Variants in OGFRL1 observed in about 807,000 individuals in gnomAD.
The protein encoded by OGFRL1 is opioid growth factor receptor like 1.
Under a neutral mutation model 32.4 loss-of-function variants are expected in OGFRL1, and 26 were observed. The observed-to-expected ratio is 0.80, with a 90% CI of 0.59 to 1.11. The LOEUF is 1.11. Among genes scored for constraint, OGFRL1 ranks in the 50% most tolerant of loss-of-function variants. OGFRL1 has a pLI of 0.00. For missense variants in OGFRL1, 521 were observed against 546.4 expected, an observed-to-expected ratio of 0.95 and a Z score of 0.46; for synonymous variants, 211 against 201.2, an observed-to-expected ratio of 1.05 and a Z score of -0.41.
rs992005143 is a variant in OGFRL1 at position 71,305,589 on chromosome 6, G to A, written c.*3540G>A. 33 of 152,134 alleles carry A rather than the reference G, an allele frequency of 2.2e-4. No individual in the cohort carries two copies. The highest frequency in any genetic ancestry group is 2.8e-4 in the Non-Finnish European group (19 of 67,920). The allele number at this position is 152,134 out of a possible 1,614,324, so 9.4% of individuals were successfully genotyped here. ...CTACAACTCAGGAGTTACTAGAGAA[G>A]TTCTAAGTATTTTTTTGCTAAGTAG... On this transcript the variant is annotated 3_prime_UTR_variant, in exon 7 of 7. Transcript: ENST00000370435.
Position 71,302,407 on chromosome 6 carries a change from AATCAAGAGGATAATTTCATTGGATT to A in OGFRL1, c.*359_*383del, listed in dbSNP as rs1766426450. On this transcript the variant is annotated 3_prime_UTR_variant, in exon 7 of 7. Coordinates refer to ENST00000370435, the MANE Select transcript of OGFRL1 (RefSeq NM_024576.5). Reference sequence around the variant, plus strand: ...GAGACATTATAGTCTACATGAAGGAAATCAAGAGGATAATTTCATTGGATTGCTACACTTTTACCTGATTTATGGC... The same window carrying A: ...GAGACATTATAGTCTACATGAAGGAAGCTACACTTTTACCTGATTTATGGC... The A allele has an allele frequency of 6.3e-6, 1 of 159,168 alleles. No individual in the cohort carries two copies. Among genetic ancestry groups the A allele is most frequent in the Admixed American group, 6.4e-5 (1 of 15,528 alleles). The allele number at this position is 159,168 out of a possible 1,614,324, so 9.9% of individuals were successfully genotyped here. A position where few individuals can be genotyped will look rare whatever the true frequency, so the allele number is the denominator to read the frequency against.
At position 71,288,956 on chromosome 6, in the gene OGFRL1, G is replaced by A. The variant is rs1765946472; in HGVS notation, c.20G>A (p.Gly7Glu). 4 of 1,383,524 alleles carry A rather than the reference G, an allele frequency of 2.9e-6. No homozygotes were observed. Among genetic ancestry groups the A allele is most frequent in the Non-Finnish European group, 3.8e-6 (4 of 1,053,206 alleles). 85.7% of individuals were successfully genotyped at this position (1,383,524 alleles called of 1,614,324 possible). A position where few individuals can be genotyped will look rare whatever the true frequency, so the allele number is the denominator to read the frequency against. ...TCTTCAATGGGCAACCTGCTCGGCG[G>A]GGTCAGCTTCCGCGAGCCCACCACC... The part of the protein sequence containing the change: MGNLLG[G>E]VSFREPTTVE... Residue 7 changes from glycine (G) to glutamate (E), a missense_variant, in exon 1 of 7, where the codon GGG becomes GAG. Gly to Glu is a moderately conservative substitution (Grantham distance 98). Coordinates refer to ENST00000370435, the MANE Select transcript of OGFRL1 (RefSeq NM_024576.5).
At chr6:71,289,548 TAAAAAAA>T (rs1158690810) in intron 1 of OGFRL1, 938 of 541,316 alleles carry the variant, frequency 1.7e-3, no homozygotes, top group Middle Eastern at 3.2e-3. Context: ...GTGTTATTGG[TAAAAAAA>T]AAAAAAAAAA....
At chr6:71,294,591 T>G (rs1014351685) in intron 3 of OGFRL1, among the ~76,000 whole-genome samples, 10 of 151,980 alleles carry the variant, frequency 6.6e-5, no homozygotes, top group African/African-American at 2.4e-4. Flanking sequence ...CAGTTGGGAG[T>G]TAATATTTGA....
At chr6:71,290,523 T>C (rs1374464434) in intron 1 of OGFRL1, among the ~76,000 whole-genome samples, 1 of 152,230 alleles carries the variant, frequency 6.6e-6, no homozygotes, top group Admixed American at 6.5e-5. Context: ...ATTTTAATAA[T>C]GTTCAGTCAG....
rs1336177890 is a variant in OGFRL1 at position 71,294,533 on chromosome 6, T to C, written c.400+922T>C. Reference sequence around the variant, plus strand: ...CGAGGCAAGAGGTCTAAAGCCTGGATTGAGTTTGGGAGGAGGGAGTCCCAG... The same window carrying C: ...CGAGGCAAGAGGTCTAAAGCCTGGACTGAGTTTGGGAGGAGGGAGTCCCAG... On this transcript the variant is annotated intron_variant, in intron 3 of 6. Coordinates refer to ENST00000370435, the MANE Select transcript of OGFRL1 (RefSeq NM_024576.5). 7.9e-5 allele frequency among the ~76,000 whole-genome samples: 12 copies of C among 152,236 alleles called. No individual in the cohort carries two copies. In the East Asian group the frequency reaches 2.3e-3, roughly 29 times the overall value.
At chr6:71,300,070 T>C (rs1766335238) in intron 6 of OGFRL1, among the ~76,000 whole-genome samples, 1 of 152,202 alleles carries the variant, frequency 6.6e-6, no homozygotes, top group Admixed American at 6.5e-5. Flanking sequence ...CCCAAGTAAT[T>C]TGCTAATTAT....
At chr6:71,291,889 A>T (rs1007960366) in intron 1 of OGFRL1, 2 of 152,212 alleles carry the variant, frequency 1.3e-5, no homozygotes, top group Non-Finnish European at 2.9e-5. Context: ...AGATTGATTC[A>T]GACCTGGACT....
intron 6 of OGFRL1, among the ~76,000 whole-genome samples, chr6:71,300,773 G>C (rs1047702964): frequency 6.6e-6 from 1 of 152,188 alleles, no homozygotes; most frequent in African/African-American, 2.4e-5. Flanking sequence ...TACAGAGCCA[G>C]GGTGTGAACT....
In OGFRL1 at chr6:71,303,479, C is replaced by G. The variant is rs985216834; in HGVS notation, c.*1430C>G. ...AAAAGTTCAAGACAAGAATTTTGCTCTCTATGGCTGTTCCATATAAATTTG... is the reference window on the plus strand; with the variant it reads ...AAAAGTTCAAGACAAGAATTTTGCTGTCTATGGCTGTTCCATATAAATTTG... On this transcript the variant is annotated 3_prime_UTR_variant, in exon 7 of 7. Coordinates refer to ENST00000370435, the MANE Select transcript of OGFRL1 (RefSeq NM_024576.5). The G allele has an allele frequency of 6.6e-6, 1 of 152,178 alleles. No individual in the cohort carries two copies. The highest frequency in any genetic ancestry group is 6.5e-5 in the Admixed American group (1 of 15,282). 9.4% of individuals were successfully genotyped at this position (152,178 alleles called of 1,614,324 possible).
rs1766599197 is a variant in OGFRL1 at position 71,307,762 on chromosome 6, A to G, written c.*5713A>G. 6.6e-6 allele frequency: 1 copy of G among 152,210 alleles called. No homozygotes were observed. Among genetic ancestry groups the G allele is most frequent in the Non-Finnish European group, 1.5e-5 (1 of 68,038 alleles). The allele number at this position is 152,210 out of a possible 1,614,324, so 9.4% of individuals were successfully genotyped here. Reference sequence around the variant, plus strand: ...GTACTAAGAAACATTTACATTCTACACTCATTAGTCAAATGAACTTTTCTT... The same window carrying G: ...GTACTAAGAAACATTTACATTCTACGCTCATTAGTCAAATGAACTTTTCTT... On this transcript the variant is annotated 3_prime_UTR_variant, in exon 7 of 7. Coordinates refer to ENST00000370435, the MANE Select transcript of OGFRL1 (RefSeq NM_024576.5).
chr6:71,289,530 T>C (rs1200335385), intron 1 of OGFRL1: 2 of 380,024 alleles, frequency 5.3e-6, no homozygotes, highest in Admixed American at 2.3e-4. Context: ...TGACAACCCC[T>C]CTAGTGTGTG....
At position 71,289,788 on chromosome 6, in the gene OGFRL1, T is replaced by C. The variant is rs889324962; in HGVS notation, c.234+618T>C. 21 of 985,296 alleles carry C rather than the reference T, an allele frequency of 2.1e-5. No homozygotes were observed. In the African/African-American group the frequency reaches 3.7e-4, roughly 17 times the overall value. The allele number at this position is 985,296 out of a possible 1,614,324, so 61.0% of individuals were successfully genotyped here. A position where few individuals can be genotyped will look rare whatever the true frequency, so the allele number is the denominator to read the frequency against. On this transcript the variant is annotated intron_variant, in intron 1 of 6. Transcript: ENST00000370435. ...TTGATCCAACTGTGTTTGAACTGTT[T>C]GACTAATACAGCTTGGAGGAGAGGT...
Position 71,307,696 on chromosome 6 carries a change from A to T in OGFRL1, c.*5647A>T, listed in dbSNP as rs549847271. ...TTTTTAAATTATACTTTGTGTAACA[A>T]TTTACGTTAACTAGAAAAATTAGAT... On this transcript the variant is annotated 3_prime_UTR_variant, in exon 7 of 7. Transcript: ENST00000370435. 1.3e-5 allele frequency: 2 copies of T among 152,292 alleles called. No individual in the cohort carries two copies. The highest frequency in any genetic ancestry group is 4.1e-4 in the South Asian group (2 of 4,824). The allele number at this position is 152,292 out of a possible 1,614,324, so 9.4% of individuals were successfully genotyped here.
At chr6:71,299,374 A>G (rs765491398) in intron 6 of OGFRL1, among the ~76,000 whole-genome samples, 1 of 152,094 alleles carries the variant, frequency 6.6e-6, no homozygotes, top group Non-Finnish European at 1.5e-5. Context: ...TGAAACACCC[A>G]ATTGCTTTAT....
rs1766391268 is a variant in OGFRL1, at chr6:71,301,601, A to G, written c.908A>G (p.His303Arg). 9 of 1,614,192 alleles carry G rather than the reference A, an allele frequency of 5.6e-6. No homozygotes were observed. The East Asian group carries it at 2.0e-4, about 36-fold the overall frequency. The change falls in exon 7 of 7, where the codon CAC becomes CGC. Residue 303 changes from histidine (H) to arginine (R), a missense_variant. Coordinates refer to ENST00000370435, the MANE Select transcript of OGFRL1 (RefSeq NM_024576.5). ...RRKLLRFAQK[H>R]YTPSENFIWG... ...AAGCTCCTGCGGTTCGCCCAGAAAC[A>G]CTACACGCCTTCAGAGAACTTTATC... is the stretch of plus-strand genomic sequence containing the variant.
rs1311574434 is a variant in OGFRL1 at position 71,307,956 on chromosome 6, C to T, written c.*5907C>T. 6.6e-6 allele frequency: 1 copy of T among 152,170 alleles called. No individual in the cohort carries two copies. The highest frequency in any genetic ancestry group is 2.4e-5 in the African/African-American group (1 of 41,432). 9.4% of individuals were successfully genotyped at this position (152,170 alleles called of 1,614,324 possible). A position where few individuals can be genotyped will look rare whatever the true frequency, so the allele number is the denominator to read the frequency against. On this transcript the variant is annotated 3_prime_UTR_variant, in exon 7 of 7. Coordinates refer to ENST00000370435, the MANE Select transcript of OGFRL1 (RefSeq NM_024576.5). ...GCAGGTGACGAATGATTAAGAAAAG[C>T]TTTATTGTGGGGACATGCTTTAAGA...
rs1472589919 is a variant in OGFRL1 at position 71,302,713 on chromosome 6, A to AC, written c.*667dup. The AC allele has an allele frequency of 6.6e-6, 1 of 151,076 alleles. No homozygotes were observed. The highest frequency in any genetic ancestry group is 6.6e-5 in the Admixed American group (1 of 15,172). 9.4% of individuals were successfully genotyped at this position (151,076 alleles called of 1,614,324 possible). A position where few individuals can be genotyped will look rare whatever the true frequency, so the allele number is the denominator to read the frequency against. ...TCTCAAACTCCTGACCTCATGATCC[A>AC]CCCGCCTCGGCCTCCCAAAGTGCTG... On this transcript the variant is annotated 3_prime_UTR_variant, in exon 7 of 7. Transcript: ENST00000370435.
rs1427432519 is a variant in OGFRL1 at position 71,289,124 on chromosome 6, C to T, written c.188C>T (p.Ala63Val). The T allele has an allele frequency of 1.4e-5, 15 of 1,107,784 alleles. No homozygotes were observed. The highest frequency in any genetic ancestry group is 4.3e-5 in the South Asian group (1 of 23,400). 68.6% of individuals were successfully genotyped at this position (1,107,784 alleles called of 1,614,324 possible). A position where few individuals can be genotyped will look rare whatever the true frequency, so the allele number is the denominator to read the frequency against. The change falls in exon 1 of 7, where the codon GCC (alanine) becomes GTC (valine). Residue 63 changes from alanine (A) to valine (V), a missense_variant. Ala to Val is a moderately conservative substitution (Grantham distance 64, BLOSUM62 0). Coordinates refer to ENST00000370435, the MANE Select transcript of OGFRL1 (RefSeq NM_024576.5). ...PPEQAGGRPG[A>V]SPAPDEDAEA... ...GAGCAAGCCGGCGGGCGGCCCGGCG[C>T]CAGCCCCGCGCCGGACGAGGACGCC...
Sources: allele counts gnomAD v4.1 joint callset (sites outside exome capture counted in the v4.1 genomes callset), GRCh38; gene constraint gnomAD v4.1.1; transcripts MANE v1.5; gene names NCBI Gene and HGNC (gene_info 2026-07-23, HGNC 2026-07-21).